RAB3GAP1: variants seen among roughly 807,000 people sequenced by gnomAD.
The protein encoded by RAB3GAP1 is rab3 GTPase-activating protein catalytic subunit.
Under a neutral mutation model 130.7 loss-of-function variants are expected in RAB3GAP1, and 86 were observed. That is an observed-to-expected ratio of 0.66 (90% confidence interval 0.55 to 0.79). The LOEUF is 0.79. Among genes scored for constraint, RAB3GAP1 ranks in the 30% least tolerant of loss-of-function variants. RAB3GAP1 has a pLI of 0.00. For missense variants in RAB3GAP1, 1,029 were observed against 1,169.4 expected, an observed-to-expected ratio of 0.88 and a Z score of 1.75; for synonymous variants, 367 against 401.7, an observed-to-expected ratio of 0.91 and a Z score of 1.03.
intron 2 of RAB3GAP1, among the ~76,000 whole-genome samples, chr2:135,054,576 A>G (rs1390485928): frequency 6.6e-6 from 1 of 152,252 alleles, no homozygotes; most frequent in Non-Finnish European, 1.5e-5. Context: ...AATGTAAGGA[A>G]GTGTCAAAGT....
intron 7 of RAB3GAP1, among the ~76,000 whole-genome samples, chr2:135,117,584 T>TGC (rs1301528362): frequency 6.6e-6 from 1 of 151,116 alleles, no homozygotes; most frequent in African/African-American, 2.4e-5. Flanking sequence ...CTTCTTCTGC[T>TGC]TCTTCTTCTG....
In RAB3GAP1 at chr2:135,169,906, C is replaced by T. The variant is rs1692797973; in HGVS notation, c.*1125C>T. 8.3e-6 allele frequency: 3 copies of T among 362,306 alleles called. No homozygotes were observed. Among genetic ancestry groups the T allele is most frequent in the African/African-American group, 4.3e-5 (2 of 46,340 alleles). 22.4% of individuals were successfully genotyped at this position (362,306 alleles called of 1,614,324 possible). On this transcript the variant is annotated 3_prime_UTR_variant, in exon 24 of 24. Transcript: ENST00000264158. ...TAAATCCAAAGTAAAAATGGTTATA[C>T]TGAAGCATAAACCTTGCCTGTGTAA...
At chr2:135,109,564 C>T (rs1690735172) in intron 5 of RAB3GAP1, among the ~76,000 whole-genome samples, 1 of 151,522 alleles carries the variant, frequency 6.6e-6, no homozygotes, top group South Asian at 2.1e-4. Context: ...CTTTTGCTCT[C>T]CAAAAAAAAT....
intron 5 of RAB3GAP1, among the ~76,000 whole-genome samples, chr2:135,099,789 C>T (rs1447012828): frequency 1.3e-5 from 2 of 151,976 alleles, no homozygotes; most frequent in East Asian, 1.9e-4. Context: ...TACCTTGTCT[C>T]ATGTATACCC....
chr2:135,108,044 G>A, intron 5 of RAB3GAP1, among the ~76,000 whole-genome samples: 1 of 149,616 alleles, frequency 6.7e-6, no homozygotes, highest in East Asian at 2.0e-4. Context: ...TTGCCTATGT[G>A]AGAGTAACAA....
chr2:135,158,689 T>C (rs1692383512), intron 19 of RAB3GAP1, among the ~76,000 whole-genome samples: 1 of 152,104 alleles, frequency 6.6e-6, no homozygotes. Context: ...AGGTGGAAAA[T>C]TGAAGAGCAT....
intron 5 of RAB3GAP1, among the ~76,000 whole-genome samples, chr2:135,095,340 G>C (rs1386896423): frequency 6.6e-6 from 1 of 152,162 alleles, no homozygotes; most frequent in Non-Finnish European, 1.5e-5. Context: ...GAGCCACCGC[G>C]CCCGGCCGCA....
chr2:135,086,291 G>A (rs1447688598), intron 3 of RAB3GAP1, among the ~76,000 whole-genome samples: 1 of 152,088 alleles, frequency 6.6e-6, no homozygotes, highest in East Asian at 1.9e-4. Flanking sequence ...TTAAAAACTG[G>A]CAAATTCTTT....
At chr2:135,065,472 C>G (rs57855091) in intron 3 of RAB3GAP1, among the ~76,000 whole-genome samples, 17,519 of 152,168 alleles carry the variant, frequency 0.12, 1,305 homozygotes, top group South Asian at 0.32. Context: ...ATACATTAAA[C>G]AGATTTGCAA....
At chr2:135,150,175 CCTGAAAGTGGTATTTATTTTT>C (rs1692134066) in intron 17 of RAB3GAP1, among the ~76,000 whole-genome samples, 173 bp from the exon 18 acceptor site, 1 of 152,014 alleles carries the variant, frequency 6.6e-6, no homozygotes, top group Non-Finnish European at 1.5e-5. Flanking sequence ...GGGGAGGAGG[CCTGAAAGTGGTATTTATTTTT>C]CTTAATTCTT....
Position 135,169,022 on chromosome 2 carries a change from A to C in RAB3GAP1, c.*241A>C. 4.4e-6 allele frequency: 1 copy of C among 229,794 alleles called. No homozygotes were observed. Among genetic ancestry groups the C allele is most frequent in the South Asian group, 3.2e-5 (1 of 30,894 alleles). 14.2% of individuals were successfully genotyped at this position (229,794 alleles called of 1,614,324 possible). ...TTTCTGCCCTAGAGATGGCCTTTGT[A>C]TATGGGGGGGTGGTGGGGGGACACA... On this transcript the variant is annotated 3_prime_UTR_variant, in exon 24 of 24. Transcript: ENST00000264158.
At chr2:135,146,521 T>C (rs555921136) in intron 17 of RAB3GAP1, among the ~76,000 whole-genome samples, 1 of 152,274 alleles carries the variant, frequency 6.6e-6, no homozygotes, top group South Asian at 2.1e-4. Context: ...TCCAAATGAA[T>C]ATTTGTTCTA....
rs1427113050 is a variant in RAB3GAP1 at position 135,117,546 on chromosome 2, T to TCTTCTTCTTCTG, written c.648+2204_648+2215dup. On this transcript the variant is annotated intron_variant, in intron 7 of 23. Transcript: ENST00000264158. ...TGCTTCTTCTGCTTCTTCTTCTGCT[T>TCTTCTTCTTCTG]CTTCTTCTTCTGCTTCTTCTTCTGC... 6.8e-3 allele frequency among the ~76,000 whole-genome samples: 705 copies of TCTTCTTCTTCTG among 103,896 alleles called. 17 individuals carry two copies. The highest frequency in any genetic ancestry group is 0.034 in the Admixed American group (304 of 8,986). 68.2% of individuals were successfully genotyped at this position (103,896 alleles called of 152,430 possible).
intron 19 of RAB3GAP1, among the ~76,000 whole-genome samples, chr2:135,155,117 G>C (rs1400882196): frequency 1.3e-5 from 2 of 151,984 alleles, no homozygotes; most frequent in Non-Finnish European, 2.9e-5. Flanking sequence ...CAGTTAAGGA[G>C]GATATGAAAA....
intron 19 of RAB3GAP1, among the ~76,000 whole-genome samples, chr2:135,161,926 C>T (rs1404496758): frequency 6.6e-6 from 1 of 151,972 alleles, no homozygotes; most frequent in African/African-American, 2.4e-5. Context: ...ATCAGTCAGA[C>T]TCACATTATG....
At chr2:135,112,014 C>T (rs2104910800) in intron 5 of RAB3GAP1, among the ~76,000 whole-genome samples, 1 of 152,270 alleles carries the variant, frequency 6.6e-6, no homozygotes, top group African/African-American at 2.4e-5. Flanking sequence ...TAAACCTTGC[C>T]TAAAGGAGGC....
intron 11 of RAB3GAP1, among the ~76,000 whole-genome samples, chr2:135,128,419 A>G (rs577287071): frequency 6.6e-6 from 1 of 152,334 alleles, no homozygotes; most frequent in Non-Finnish European, 1.5e-5. Context: ...ATGTACCTGT[A>G]TGTATGTGTA....
intron 17 of RAB3GAP1, among the ~76,000 whole-genome samples, chr2:135,141,228 C>CTTCTTTTTTTTTTTTTTTTTTTTTTTT (rs767817881): frequency 7.5e-6 from 1 of 132,460 alleles, no homozygotes; most frequent in Non-Finnish European, 1.6e-5. Context: ...TCACTTACTT[C>CTTCTTTTTTTTTTTTTTTTTTTTTTTT]TTTTTTTTTT....
At chr2:135,065,754 G>A (rs936538993) in intron 3 of RAB3GAP1, among the ~76,000 whole-genome samples, 4 of 151,164 alleles carry the variant, frequency 2.6e-5, no homozygotes, top group African/African-American at 4.9e-5. Context: ...TTTCTAATAC[G>A]GGATCTTCAC....
Sources: allele counts gnomAD v4.1 joint callset (sites outside exome capture counted in the v4.1 genomes callset), GRCh38; gene constraint gnomAD v4.1.1; transcripts MANE v1.5; gene names NCBI Gene and HGNC (gene_info 2026-07-23, HGNC 2026-07-21).